Variants in MEX3C observed in about 807,000 individuals in gnomAD.
The protein encoded by MEX3C is RNA-binding E3 ubiquitin-protein ligase MEX3C.
A neutral mutation model predicts 35.5 loss-of-function variants in MEX3C; 15 were observed. That is an observed-to-expected ratio of 0.42 (90% CI 0.28 to 0.65). MEX3C has a LOEUF of 0.65. MEX3C is among the 30% of genes least tolerant of loss of function. MEX3C has a pLI of 0.20. For synonymous variants in MEX3C, 390 were observed against 352.8 expected (o/e 1.11, Z -1.18); for missense variants, 711 against 842.8 (o/e 0.84, Z 1.94).
chr18:51,187,915 A>C (rs747012607), intron 1 of MEX3C, among the ~76,000 whole-genome samples: 2 of 152,184 alleles, frequency 1.3e-5, no homozygotes, highest in East Asian at 1.9e-4. Flanking sequence ...GTAAATATGG[A>C]ATTGCCATTA....
At chr18:51,194,107 G>T (rs1347444504) in intron 1 of MEX3C, 1 of 152,146 alleles carries the variant, frequency 6.6e-6, no homozygotes, top group African/African-American at 2.4e-5. Context: ...TCTCCCGTGG[G>T]GAAATATAAT....
chr18:51,193,866 A>G (rs1912712803), intron 1 of MEX3C: 3 of 152,236 alleles, frequency 2.0e-5, no homozygotes, highest in African/African-American at 7.2e-5. Flanking sequence ...TGTGACTCAG[A>G]ATTCCATTTG....
intron 1 of MEX3C, chr18:51,193,980 G>A (rs1912716381): frequency 6.6e-6 from 1 of 152,170 alleles, no homozygotes; most frequent in Admixed American, 6.5e-5. Context: ...ATGGCTTCAG[G>A]TAATACATAA....
intron 1 of MEX3C, among the ~76,000 whole-genome samples, chr18:51,181,085 T>C (rs917042706): frequency 3.3e-5 from 5 of 152,178 alleles, no homozygotes; most frequent in African/African-American, 7.2e-5. Flanking sequence ...TTAGCTTTTT[T>C]GAGTACTTTG....
chr18:51,191,774 G>C (rs1256455762), intron 1 of MEX3C, among the ~76,000 whole-genome samples: 2 of 152,120 alleles, frequency 1.3e-5, no homozygotes, highest in Non-Finnish European at 2.9e-5. Context: ...AGGTGCAAAA[G>C]AGGAATCTGA....
rs1599261007 is a variant in MEX3C, at chr18:51,197,595, C to G, written c.-275G>C. Among the ~76,000 whole-genome samples, 1 of 151,082 alleles carries G rather than the reference C, an allele frequency of 6.6e-6. No homozygotes were observed. Among genetic ancestry groups the G allele is most frequent in the Admixed American group, 6.6e-5 (1 of 15,218 alleles). On this transcript the variant is annotated 5_prime_UTR_variant, in exon 1 of 2. Transcript: ENST00000406189. ...GGCTGGTGGAGGTGGCAGCGGCTCC[C>G]CTCTCAGTGTTTCTTTTGTTTCATG...
intron 1 of MEX3C, 67 bp downstream of exon 1, chr18:51,196,500 C>T: frequency 6.6e-7 from 1 of 1,514,250 alleles, no homozygotes. Flanking sequence ...TCCCACGCTC[C>T]TTTCTCTCGT....
chr18:51,196,588 C>G lies in MEX3C; in HGVS notation c.733G>C (p.Ala245Pro). Residue 245 changes from alanine (A) to proline (P), a missense_variant, in exon 1 of 2, where the codon GCC becomes CCC. Ala to Pro is a conservative substitution (Grantham distance 27). Coordinates refer to ENST00000406189, the MANE Select transcript of MEX3C (RefSeq NM_016626.5). ...TCACCCTGGCGGCCGACGATCTCGGCGACGTGCTCGGAGCTGGGCACCGGG... is the reference window on the plus strand; with the variant it reads ...TCACCCTGGCGGCCGACGATCTCGGGGACGTGCTCGGAGCTGGGCACCGGG... ...CVPVPSSEHV[A>P]EIVGRQGCKI... 6.3e-7 allele frequency: 1 copy of G among 1,591,484 alleles called. No individual in the cohort carries two copies. The highest frequency in any genetic ancestry group is 8.5e-7 in the Non-Finnish European group (1 of 1,174,642).
chr18:51,184,616 G>A (rs1390822445), intron 1 of MEX3C, among the ~76,000 whole-genome samples: 1 of 152,070 alleles, frequency 6.6e-6, no homozygotes, highest in Non-Finnish European at 1.5e-5. Context: ...CAACGCTTTG[G>A]GGAGCTGAGG....
Position 51,196,868 on chromosome 18 carries a change from G to A in MEX3C, c.453C>T (p.Ala151=), listed in dbSNP as rs1399467204. 6.5e-6 allele frequency: 10 copies of A among 1,539,692 alleles called. No homozygotes were observed. The highest frequency in any genetic ancestry group is 2.4e-5 in the South Asian group (2 of 83,840). The part of the protein sequence containing the change: ...LLLLSPPAAT[A]SQTQQIPGGS... ...CGCCCGGGATCTGCTGGGTCTGAGA[G>A]GCGGTGGCCGCGGGCGGCGACAGCA... is the stretch of plus-strand genomic sequence containing the variant. Residue 151 remains alanine (A), a synonymous_variant, in exon 1 of 2, where the codon GCC becomes GCT. Coordinates refer to ENST00000406189, the MANE Select transcript of MEX3C (RefSeq NM_016626.5).
chr18:51,185,666 A>G (rs943726967), intron 1 of MEX3C, among the ~76,000 whole-genome samples: 4 of 152,144 alleles, frequency 2.6e-5, no homozygotes, highest in African/African-American at 9.7e-5. Context: ...CCAATTCAGG[A>G]ATAGTAACCC....
chr18:51,189,159 T>G (rs1009341405), intron 1 of MEX3C, among the ~76,000 whole-genome samples: 1 of 152,186 alleles, frequency 6.6e-6, no homozygotes, highest in Non-Finnish European at 1.5e-5. Flanking sequence ...TGAACTGATT[T>G]TTATAGGGAG....
chr18:51,187,570 A>G (rs1912567804), intron 1 of MEX3C, among the ~76,000 whole-genome samples: 1 of 152,138 alleles, frequency 6.6e-6, no homozygotes. Flanking sequence ...TCCTTTCATC[A>G]CACTATTTTC....
intron 1 of MEX3C, among the ~76,000 whole-genome samples, chr18:51,179,006 TGC>T (rs2144548150): frequency 6.6e-6 from 1 of 151,782 alleles, no homozygotes; most frequent in African/African-American, 2.4e-5. Flanking sequence ...AGTCAGATGA[TGC>T]TTTTTTTCTT....
At chr18:51,187,847 A>C (rs1229548907) in intron 1 of MEX3C, among the ~76,000 whole-genome samples, 1 of 152,248 alleles carries the variant, frequency 6.6e-6, no homozygotes, top group African/African-American at 2.4e-5. Context: ...TAGACAGAAT[A>C]TTCAAAAGCT....
At chr18:51,185,705 G>A (rs1912521873) in intron 1 of MEX3C, among the ~76,000 whole-genome samples, 1 of 152,120 alleles carries the variant, frequency 6.6e-6, no homozygotes, top group African/African-American at 2.4e-5. Context: ...TAGACATAAG[G>A]TAGGGTCAGG....
rs1392429975 is a variant in MEX3C, at chr18:51,191,053, C to A, written c.754+5514G>T. On this transcript the variant is annotated intron_variant, in intron 1 of 1. Transcript: ENST00000406189. ...TTTTTTATTTTTAAGTGCAAATACA[C>A]TCCTTTAGTATCTTATGAACATTAT... Among the ~76,000 whole-genome samples the A allele has an allele frequency of 2.0e-5, 3 of 152,118 alleles. No individual in the cohort carries two copies. The South Asian group carries it at 6.2e-4, about 31-fold the overall frequency.
intron 1 of MEX3C, chr18:51,196,098 G>A (rs1770743726): frequency 5.5e-6 from 1 of 183,182 alleles, no homozygotes; most frequent in African/African-American, 2.4e-5. Context: ...AGTGAGCTCT[G>A]TCTACAGGCC....
intron 1 of MEX3C, among the ~76,000 whole-genome samples, chr18:51,192,541 G>A (rs1297635884): frequency 6.6e-6 from 1 of 152,138 alleles, no homozygotes; most frequent in Non-Finnish European, 1.5e-5. Flanking sequence ...GGGTAGTACA[G>A]ACACCAAAAT....
Sources: allele counts gnomAD v4.1 joint callset (sites outside exome capture counted in the v4.1 genomes callset), GRCh38; gene constraint gnomAD v4.1.1; transcripts MANE v1.5; gene names NCBI Gene and HGNC (gene_info 2026-07-23, HGNC 2026-07-21).